MREG: variants seen among roughly 807,000 people sequenced by gnomAD.
The protein encoded by MREG is dilute suppressor protein homolog.
In MREG, 31 loss-of-function variants were observed where a neutral mutation model predicts 28.5. The ratio of observed to expected loss-of-function variants is 1.09; its 90% CI spans 0.82 to 1.47. The LOEUF (loss-of-function observed/expected upper bound fraction) is 1.47. Ranked by LOEUF, MREG falls within the 40% of genes most tolerant of loss-of-function variation. The pLI, the probability that MREG is intolerant of heterozygous loss-of-function variation, is 0.00. For missense variants in MREG, 256 were observed against 257.4 expected, an observed-to-expected ratio of 0.99 and a Z score of 0.04; for synonymous variants, 106 against 95.2, an observed-to-expected ratio of 1.11 and a Z score of -0.66.
intron 1 of MREG, among the ~76,000 whole-genome samples, chr2:215,999,714 G>A (rs1693964124): frequency 6.6e-6 from 1 of 152,206 alleles, no homozygotes; most frequent in African/African-American, 2.4e-5. Context: ...CAGCATCAGA[G>A]AGCGGGTGAC....
chr2:216,001,020 CTCTG>C (rs140691346), intron 1 of MREG, among the ~76,000 whole-genome samples: 2,223 of 152,104 alleles, frequency 0.015, 42 homozygotes, highest in African/African-American at 0.051. Context: ...CTCTAGCTGT[CTCTG>C]TCTCTCTTTC....
chr2:216,030,636 AG>A (rs1202853372), intron 1 of MREG, among the ~76,000 whole-genome samples: 2 of 151,706 alleles, frequency 1.3e-5, no homozygotes, highest in Middle Eastern at 3.2e-3. Flanking sequence ...CTCCGCCCCC[AG>A]GTTCAAGCGA....
At chr2:215,974,076 A>G (rs1693176696) in intron 2 of MREG, among the ~76,000 whole-genome samples, 1 of 152,156 alleles carries the variant, frequency 6.6e-6, no homozygotes, top group Non-Finnish European at 1.5e-5. Context: ...ACTTTTCCTC[A>G]CCTAGATTGT....
rs1259106386 is a variant in MREG at position 216,030,932 on chromosome 2, TC to T, written c.-68+1856del. Among the ~76,000 whole-genome samples the T allele has an allele frequency of 9.5e-4, 29 of 30,672 alleles. No homozygotes were observed. The East Asian group carries it at 0.041, about 44-fold the overall frequency. 20.1% of individuals were successfully genotyped at this position (30,672 alleles called of 152,430 possible). A position where few individuals can be genotyped will look rare whatever the true frequency, so the allele number is the denominator to read the frequency against. On this transcript the variant is annotated intron_variant, in intron 1 of 3. Transcript: ENST00000420348. Reference sequence around the variant, plus strand: ...CAAGCCCACTATGAGGCCCATTCTCTCTCTCTCTCTCTCTCTCTCTCTCTCA... The same window carrying T: ...CAAGCCCACTATGAGGCCCATTCTCTTCTCTCTCTCTCTCTCTCTCTCTCA...
At chr2:215,983,966 T>A (rs1446564591) in intron 2 of MREG, among the ~76,000 whole-genome samples, 1 of 152,240 alleles carries the variant, frequency 6.6e-6, no homozygotes, top group Non-Finnish European at 1.5e-5. Context: ...ATGAGAATGA[T>A]CTGATAGTTA....
rs554978757 is a variant in MREG, at chr2:215,967,892, A to G, written c.256-20779T>C. 3.3e-5 allele frequency among the ~76,000 whole-genome samples: 5 copies of G among 152,162 alleles called. No homozygotes were observed. In the South Asian group the frequency reaches 1.0e-3, roughly 32 times the overall value. ...AGGAGGAATCAAATCCACCCATTTT[A>G]CTCTCAAAAATGCCCACAACTTCCA... On this transcript the variant is annotated intron_variant, in intron 2 of 4. Transcript: ENST00000263268.
At chr2:216,031,699 A>AAGAAAGAAAGAGAGAG (rs1559204176) in intron 1 of MREG, among the ~76,000 whole-genome samples, 6 of 127,494 alleles carry the variant, frequency 4.7e-5, no homozygotes, top group African/African-American at 8.5e-5. Flanking sequence ...AAGAGAAAGA[A>AAGAAAGAAAGAGAGAG]AGAAAGAAAG....
At chr2:216,032,694 A>C (rs564890191) in intron 1 of MREG, 28 of 152,314 alleles carry the variant, frequency 1.8e-4, no homozygotes, top group African/African-American at 6.3e-4. Flanking sequence ...TCTCCCCAGT[A>C]AATTTTATAT....
intron 2 of MREG, among the ~76,000 whole-genome samples, chr2:215,948,808 AC>A: frequency 6.6e-6 from 1 of 152,230 alleles, no homozygotes; most frequent in Non-Finnish European, 1.5e-5. Context: ...AAAACTACCT[AC>A]CTACCTCATT....
At chr2:215,978,716 A>G (rs1044530101) in intron 2 of MREG, among the ~76,000 whole-genome samples, 1 of 152,248 alleles carries the variant, frequency 6.6e-6, no homozygotes, top group African/African-American at 2.4e-5. Context: ...CTGGGATGCA[A>G]GCCTGGTTCA....
intron 2 of MREG, among the ~76,000 whole-genome samples, chr2:215,949,215 A>G (rs1483949647): frequency 6.6e-6 from 1 of 150,704 alleles, no homozygotes; most frequent in Non-Finnish European, 1.5e-5. Flanking sequence ...GTGCGCAGAG[A>G]TCGCACCACT....
chr2:216,010,774 A>T (rs1314878771), intron 1 of MREG, among the ~76,000 whole-genome samples: 1 of 151,922 alleles, frequency 6.6e-6, no homozygotes, highest in Non-Finnish European at 1.5e-5. Context: ...ATTTTGAACC[A>T]AAAGTCACTC....
chr2:215,990,260 G>T (rs1693687392), intron 2 of MREG, among the ~76,000 whole-genome samples: 4 of 152,134 alleles, frequency 2.6e-5, no homozygotes, highest in East Asian at 1.9e-4. Flanking sequence ...TTGAAGAAAA[G>T]AATTTTCAAC....
At chr2:215,947,678 T>A (rs1196317660) in intron 2 of MREG, among the ~76,000 whole-genome samples, 4 of 152,242 alleles carry the variant, frequency 2.6e-5, no homozygotes, top group African/African-American at 9.6e-5. Flanking sequence ...GTAGTCAGAA[T>A]AAAGTAGACC....
At chr2:215,947,753 C>T (rs534606532) in intron 2 of MREG, among the ~76,000 whole-genome samples, 1 of 152,176 alleles carries the variant, frequency 6.6e-6, no homozygotes, top group Admixed American at 6.5e-5. Context: ...CAGCAACATT[C>T]TTTTTTATTC....
intron 1 of MREG, among the ~76,000 whole-genome samples, chr2:216,020,281 A>G (rs1167255312): frequency 2.0e-5 from 3 of 152,250 alleles, no homozygotes; most frequent in African/African-American, 7.2e-5. Flanking sequence ...TTCAGACATT[A>G]TGCTAGCTTT....
intron 1 of MREG, among the ~76,000 whole-genome samples, chr2:215,998,077 G>A (rs535840847): frequency 6.6e-5 from 10 of 152,272 alleles, no homozygotes; most frequent in African/African-American, 2.2e-4. Context: ...GGCTGAGGCA[G>A]GTGGATCACC....
At chr2:215,966,769 T>G (rs1328936870) in intron 2 of MREG, among the ~76,000 whole-genome samples, 1 of 152,042 alleles carries the variant, frequency 6.6e-6, no homozygotes, top group African/African-American at 2.4e-5. Flanking sequence ...GCCTGGCTAA[T>G]TTTTGTATTT....
intron 2 of MREG, among the ~76,000 whole-genome samples, chr2:215,978,437 C>T (rs958461144): frequency 3.3e-5 from 5 of 152,090 alleles, no homozygotes; most frequent in African/African-American, 4.8e-5. Flanking sequence ...GATTCACAGC[C>T]GAATTCTACC....
Sources: gnomAD v4.1 joint callset for allele counts (sites outside exome capture counted in the v4.1 genomes callset) on GRCh38, gnomAD v4.1.1 for gene constraint, MANE v1.5 for transcripts, NCBI Gene and HGNC (gene_info 2026-07-23, HGNC 2026-07-21) for gene names.